FMN1: variants seen among roughly 807,000 people sequenced by gnomAD.
FMN1 encodes formin 1.
A neutral mutation model predicts 132.4 loss-of-function variants in FMN1; 110 were observed. The observed-to-expected ratio is 0.83, with a 90% CI of 0.71 to 0.97. FMN1 has a LOEUF of 0.97. FMN1 is among the 50% of genes least tolerant of loss of function. The probability of loss-of-function intolerance (pLI) is 0.00; values close to 1 mark genes in which losing one functional copy is unlikely to be tolerated. For synonymous variants in FMN1, 722 were observed against 651.7 expected (o/e 1.11, Z -1.64); for missense variants, 1,792 against 1,705.3 (o/e 1.05, Z -0.90).
At chr15:32,843,440 C>T (rs969736783) in intron 17 of FMN1, among the ~76,000 whole-genome samples, 4 of 152,178 alleles carry the variant, frequency 2.6e-5, no homozygotes, top group South Asian at 4.1e-4. Context: ...GCAACGATCA[C>T]GCACATATAT....
At chr15:33,045,181 C>G (rs1044399916) in intron 6 of FMN1, among the ~76,000 whole-genome samples, 1 of 152,228 alleles carries the variant, frequency 6.6e-6, no homozygotes, top group African/African-American at 2.4e-5. Flanking sequence ...GCCATAGCCT[C>G]GCAGGGAGTC....
intron 4 of FMN1, among the ~76,000 whole-genome samples, chr15:33,126,962 GCTGA>G (rs1963142216): frequency 6.6e-6 from 1 of 152,208 alleles, no homozygotes; most frequent in African/African-American, 2.4e-5. Flanking sequence ...ACTGTGGTTG[GCTGA>G]CTCTGTGGAG....
At chr15:33,020,512 T>G (rs1362183432) in intron 6 of FMN1, among the ~76,000 whole-genome samples, 1 of 152,056 alleles carries the variant, frequency 6.6e-6, no homozygotes, top group East Asian at 1.9e-4. Context: ...CCGGGCGTGG[T>G]GGCAGGTGCC....
At chr15:32,941,183 T>C (rs1488134303) in intron 9 of FMN1, among the ~76,000 whole-genome samples, 1 of 152,198 alleles carries the variant, frequency 6.6e-6, no homozygotes, top group African/African-American at 2.4e-5. Context: ...CCCAACTTGA[T>C]TTTATTCCAT....
At chr15:32,780,689 T>C (rs1043225596) in intron 19 of FMN1, among the ~76,000 whole-genome samples, 1 of 152,198 alleles carries the variant, frequency 6.6e-6, no homozygotes, top group Admixed American at 6.5e-5. Flanking sequence ...ACCACTTTCC[T>C]GTAACATCTT....
At chr15:33,192,207 G>T (rs1381256940) in intron 2 of FMN1, among the ~76,000 whole-genome samples, 1 of 152,154 alleles carries the variant, frequency 6.6e-6, no homozygotes, top group Non-Finnish European at 1.5e-5. Flanking sequence ...AGACTTTGAG[G>T]CATGGTATAT....
At chr15:33,015,187 A>G (rs2034969399) in intron 6 of FMN1, among the ~76,000 whole-genome samples, 1 of 152,218 alleles carries the variant, frequency 6.6e-6, no homozygotes, top group South Asian at 2.1e-4. Context: ...TTTTGGTTAC[A>G]TAAGCAGCAG....
intron 9 of FMN1, among the ~76,000 whole-genome samples, chr15:32,948,459 C>T (rs2061556026): frequency 6.6e-6 from 1 of 151,766 alleles, no homozygotes; most frequent in South Asian, 2.1e-4. Flanking sequence ...TTTCTATTAT[C>T]TAATATTTTG....
chr15:33,127,315 C>T (rs998989259), intron 4 of FMN1, among the ~76,000 whole-genome samples: 1 of 152,094 alleles, frequency 6.6e-6, no homozygotes, highest in Admixed American at 6.6e-5. Flanking sequence ...ATGGTTAATG[C>T]TCCTCCACAT....
In FMN1 at chr15:32,967,020, C is replaced by T. The variant is rs936789477; in HGVS notation, c.2987+1694G>A. On this transcript the variant is annotated intron_variant, in intron 8 of 20. Transcript: ENST00000616417. The stretch of plus-strand genomic sequence containing the variant: ...TCTTAACACATCATAGAGGGGCAGC[C>T]CCCCGTGTTATGTTTCAGGTTCAAA... 5.3e-5 allele frequency among the ~76,000 whole-genome samples: 8 copies of T among 152,164 alleles called. 1 individual carries two copies. The highest frequency in any genetic ancestry group is 5.2e-4 in the Admixed American group (8 of 15,266).
chr15:33,045,932 T>TAC, intron 6 of FMN1, among the ~76,000 whole-genome samples: 1 of 152,232 alleles, frequency 6.6e-6, no homozygotes, highest in East Asian at 1.9e-4. Context: ...GTGCTGGGAT[T>TAC]ACAGGCGTGA....
At chr15:33,021,135 A>C (rs772201004) in intron 6 of FMN1, among the ~76,000 whole-genome samples, 25 of 152,354 alleles carry the variant, frequency 1.6e-4, no homozygotes, top group Admixed American at 1.2e-3. Context: ...CAACTCACTC[A>C]GCCTGGGTCC....
chr15:32,962,159 T>A (rs2030641377), intron 9 of FMN1, among the ~76,000 whole-genome samples: 1 of 152,030 alleles, frequency 6.6e-6, no homozygotes, highest in Admixed American at 6.5e-5. Context: ...CCTCAACACA[T>A]ACCAATGCTT....
Position 32,900,109 on chromosome 15 carries a change from T to C in FMN1, c.3524A>G (p.Lys1175Arg). Residue 1175 changes from lysine (K) to arginine (R), a missense_variant, in exon 14 of 21, where the codon AAG (lysine) becomes AGG (arginine). Physicochemically the swap from Lys to Arg is conservative, Grantham distance 26. Transcript: ENST00000616417. The stretch of plus-strand genomic sequence containing the variant: ...GAGAGCTAAAATATCCTTCACGCTC[T>C]TCACGTGCAGCAAGTCCTGTGATGG... The part of the protein sequence containing the change: ...TRASKDLLHV[K>R]SVKDILALIL... 1.2e-6 allele frequency: 2 copies of C among 1,613,864 alleles called. No homozygotes were observed. Among genetic ancestry groups the C allele is most frequent in the Non-Finnish European group, 1.7e-6 (2 of 1,179,866 alleles).
chr15:33,112,648 G>A (rs1298969983), intron 4 of FMN1, among the ~76,000 whole-genome samples: 2 of 151,960 alleles, frequency 1.3e-5, no homozygotes, highest in Admixed American at 6.6e-5. Flanking sequence ...CAACTGACTG[G>A]CCTATATTCT....
intron 17 of FMN1, among the ~76,000 whole-genome samples, chr15:32,830,131 G>A (rs1224080213): frequency 2.0e-5 from 3 of 151,874 alleles, no homozygotes; most frequent in Admixed American, 6.6e-5. Context: ...AAATTTGGGG[G>A]ATCTGGAAGG....
chr15:32,929,919 A>G (rs1200493428), intron 9 of FMN1, among the ~76,000 whole-genome samples: 1 of 151,536 alleles, frequency 6.6e-6, no homozygotes, highest in Non-Finnish European at 1.5e-5. Context: ...CAGTGACTTC[A>G]ATTCTTTTGG....
At chr15:33,113,516 A>G in intron 4 of FMN1, among the ~76,000 whole-genome samples, 1 of 152,110 alleles carries the variant, frequency 6.6e-6, no homozygotes, top group East Asian at 1.9e-4. Context: ...TTCCAACAAC[A>G]GTTTGCTCCT....
intron 9 of FMN1, among the ~76,000 whole-genome samples, chr15:32,946,753 C>T (rs73372915): frequency 0.013 from 2,022 of 152,164 alleles, 44 homozygotes; most frequent in African/African-American, 0.047. Context: ...AGGTAGAATG[C>T]CAGACATACA....
Sources: allele counts gnomAD v4.1 joint callset (sites outside exome capture counted in the v4.1 genomes callset), GRCh38; gene constraint gnomAD v4.1.1; transcripts MANE v1.5; gene names NCBI Gene and HGNC (gene_info 2026-07-23, HGNC 2026-07-21).